COL23A1: variants seen among roughly 807,000 people sequenced by gnomAD.
The protein encoded by COL23A1 is collagen type XXIII alpha 1 chain, also known as collagen alpha-1(XXIII) chain.
In COL23A1, 97 loss-of-function variants were observed where a neutral mutation model predicts 99.3. That is an observed-to-expected ratio of 0.98 (90% CI 0.83 to 1.16). The LOEUF (loss-of-function observed/expected upper bound fraction) is 1.16. Among genes scored for constraint, COL23A1 ranks in the 50% most tolerant of loss-of-function variants. The pLI is 0.00. For synonymous variants in COL23A1, 320 were observed against 308.2 expected (o/e 1.04, Z -0.40); for missense variants, 762 against 757.4 (o/e 1.01, Z -0.07).
chr5:178,299,629 T>C (rs1045347058), intron 3 of COL23A1, among the ~76,000 whole-genome samples: 1 of 152,158 alleles, frequency 6.6e-6, no homozygotes, highest in Non-Finnish European at 1.5e-5. Context: ...CTACTGTTTT[T>C]CTATTTTCCA....
chr5:178,251,444 A>C (rs1765026023), intron 17 of COL23A1, among the ~76,000 whole-genome samples: 1 of 152,266 alleles, frequency 6.6e-6, no homozygotes, highest in Non-Finnish European at 1.5e-5. Context: ...TAAATCCCCA[A>C]GTATTCTCTA....
Position 178,561,223 on chromosome 5 carries a change from C to T in COL23A1, c.295-475G>A, listed in dbSNP as rs191959234. 7.9e-5 allele frequency among the ~76,000 whole-genome samples: 12 copies of T among 152,344 alleles called. No homozygotes were observed. In the East Asian group the frequency reaches 2.3e-3, roughly 29 times the overall value. On this transcript the variant is annotated intron_variant, in intron 1 of 28. Transcript: ENST00000390654. Reference sequence around the variant, plus strand: ...GCTGCAGCCCCTCCTAGCCCACCAGCCTGGGACCTGATGGCCCGGGTTGAA... The same window carrying T: ...GCTGCAGCCCCTCCTAGCCCACCAGTCTGGGACCTGATGGCCCGGGTTGAA...
rs142255043 is a variant in COL23A1, at chr5:178,417,672, C to T, written c.362-110753G>A. Among the ~76,000 whole-genome samples, 622 of 152,270 alleles carry T rather than the reference C, an allele frequency of 4.1e-3. 3 individuals carry two copies. Among genetic ancestry groups the T allele is most frequent in the African/African-American group, 0.014 (572 of 41,544 alleles). On this transcript the variant is annotated intron_variant, in intron 2 of 28. Transcript: ENST00000390654. ...TCAAGAACAGCCCCGTCTGATTAGA[C>T]GGGGAATACTCATTTCTACAGGGAG... is the stretch of plus-strand genomic sequence containing the variant.
chr5:178,389,175 C>T (rs113379232), intron 2 of COL23A1, among the ~76,000 whole-genome samples: 7 of 152,090 alleles, frequency 4.6e-5, no homozygotes, highest in Admixed American at 2.0e-4. Context: ...CTGGCTGTCA[C>T]GCTCCCGTTG....
intron 2 of COL23A1, among the ~76,000 whole-genome samples, chr5:178,389,542 G>T (rs1763853903): frequency 6.6e-6 from 1 of 152,230 alleles, no homozygotes; most frequent in South Asian, 2.1e-4. Flanking sequence ...TCCTCACAGA[G>T]GGTGCCCACT....
chr5:178,356,438 G>C (rs1307845658), intron 2 of COL23A1, among the ~76,000 whole-genome samples: 1 of 152,140 alleles, frequency 6.6e-6, no homozygotes, highest in Non-Finnish European at 1.5e-5. Flanking sequence ...TAAAAGAGGG[G>C]GCATTTGTTT....
chr5:178,312,657 A>G (rs1758765942), intron 2 of COL23A1, among the ~76,000 whole-genome samples: 1 of 145,630 alleles, frequency 6.9e-6, no homozygotes, highest in Non-Finnish European at 1.5e-5. Context: ...ACAAACCTGC[A>G]GCCACCCCAC....
chr5:178,462,228 C>T (rs1756160983), intron 2 of COL23A1, among the ~76,000 whole-genome samples: 1 of 152,198 alleles, frequency 6.6e-6, no homozygotes, highest in Non-Finnish European at 1.5e-5. Context: ...CATGGAGTCT[C>T]CAAGAGGTTC....
intron 5 of COL23A1, among the ~76,000 whole-genome samples, chr5:178,273,727 G>A (rs1166880107): frequency 6.6e-6 from 1 of 152,238 alleles, no homozygotes; most frequent in Non-Finnish European, 1.5e-5. Context: ...CAAGAAAGCT[G>A]TCCCCAGGCC....
chr5:178,460,858 T>C (rs1345458787), intron 2 of COL23A1, among the ~76,000 whole-genome samples: 2 of 152,192 alleles, frequency 1.3e-5, no homozygotes, highest in African/African-American at 4.8e-5. Context: ...CCCTGTGGTC[T>C]TCAGTCAGTG....
rs184450042 is a variant in COL23A1 at position 178,503,943 on chromosome 5, G to T, written c.361+56739C>A. Among the ~76,000 whole-genome samples the T allele has an allele frequency of 1.5e-4, 23 of 152,264 alleles. No homozygotes were observed. In the East Asian group the frequency reaches 3.5e-3, roughly 23 times the overall value. Reference sequence around the variant, plus strand: ...CTTCCCTGCTGTGTGTCTCTCCTTGGGAAACAGGTCCTCGGGTGTTCATGA... The same window carrying T: ...CTTCCCTGCTGTGTGTCTCTCCTTGTGAAACAGGTCCTCGGGTGTTCATGA... On this transcript the variant is annotated intron_variant, in intron 2 of 28. Transcript: ENST00000390654.
In COL23A1 at chr5:178,306,915, G is replaced by A; in HGVS notation, c.366C>T (p.Pro122=). The change falls in exon 3 of 29, where the codon CCC becomes CCT. Residue 122 remains proline, a synonymous_variant. Transcript: ENST00000390654. This position sits in a 1 kb window ranked among gnomAD's most constrained non-coding sequence, Gnocchi z 4.1. ...TCCCAGGCTTGCCGCGCCGTCCAGGGGGCCCTAGACAGGAAAACAAGAATG... is the reference window on the plus strand; with the variant it reads ...TCCCAGGCTTGCCGCGCCGTCCAGGAGGCCCTAGACAGGAAAACAAGAATG... ...APSECVCPPG[P]PGRRGKPGRR... is the part of the protein sequence containing the mutation. 1 of 1,539,260 alleles carries A rather than the reference G, an allele frequency of 6.5e-7. No homozygotes were observed. Among genetic ancestry groups the A allele is most frequent in the South Asian group, 1.2e-5 (1 of 81,666 alleles).
At chr5:178,361,984 G>A (rs1762197932) in intron 2 of COL23A1, among the ~76,000 whole-genome samples, 1 of 152,174 alleles carries the variant, frequency 6.6e-6, no homozygotes, top group African/African-American at 2.4e-5. Context: ...CGCCCCCTAG[G>A]AAATGCTGAG....
intron 2 of COL23A1, among the ~76,000 whole-genome samples, chr5:178,559,858 C>A (rs1762470816): frequency 6.7e-6 from 1 of 149,688 alleles, no homozygotes; most frequent in African/African-American, 2.5e-5. Flanking sequence ...GACACATCAC[C>A]CAAAAGTCAC....
intron 2 of COL23A1, among the ~76,000 whole-genome samples, chr5:178,505,585 T>A (rs1758820870): frequency 6.6e-6 from 1 of 152,110 alleles, no homozygotes; most frequent in Admixed American, 6.5e-5. Context: ...CACGGTTATA[T>A]TGGATTAGGG....
At chr5:178,578,643 G>C (rs1373745463) in intron 1 of COL23A1, among the ~76,000 whole-genome samples, 2 of 152,090 alleles carry the variant, frequency 1.3e-5, no homozygotes, top group African/African-American at 4.8e-5. Context: ...TTACCCATTT[G>C]CAAGCACCGC....
intron 2 of COL23A1, among the ~76,000 whole-genome samples, chr5:178,482,977 C>T (rs559596467): frequency 6.6e-6 from 1 of 151,952 alleles, no homozygotes; most frequent in African/African-American, 2.4e-5. Context: ...GAGGCTAAGG[C>T]AGGAGGATTG....
At chr5:178,528,954 A>G (rs1232779319) in intron 2 of COL23A1, among the ~76,000 whole-genome samples, 2 of 152,228 alleles carry the variant, frequency 1.3e-5, no homozygotes, top group South Asian at 2.1e-4. Flanking sequence ...TCAGTTACCT[A>G]TCACCTCAAA....
intron 2 of COL23A1, among the ~76,000 whole-genome samples, chr5:178,461,649 C>T (rs372425895): frequency 2.0e-5 from 3 of 152,134 alleles, no homozygotes; most frequent in South Asian, 4.1e-4. Context: ...TGCTGGCTCA[C>T]GGCCTTGGGC....
Sources: gnomAD v4.1 joint callset for allele counts (sites outside exome capture counted in the v4.1 genomes callset) on GRCh38, gnomAD v4.1.1 for gene constraint, Gnocchi (gnomAD v3.1) non-coding constraint, MANE v1.5 for transcripts, NCBI Gene and HGNC (gene_info 2026-07-23, HGNC 2026-07-21) for gene names.